Variants in USH2A observed in about 807,000 individuals in gnomAD.
The protein encoded by USH2A is Usher syndrome 2A (autosomal recessive, mild).
Under a neutral mutation model 538.9 loss-of-function variants are expected in USH2A, and 443 were observed. The ratio of observed to expected loss-of-function variants is 0.82; its 90% CI spans 0.76 to 0.89. The LOEUF is 0.89. Among genes scored for constraint, USH2A ranks in the 40% least tolerant of loss-of-function variants. The pLI, the probability that USH2A is intolerant of heterozygous loss-of-function variation, is 0.00. For missense variants in USH2A, 6,633 were observed against 6,324.8 expected, an observed-to-expected ratio of 1.05 and a Z score of -1.65; for synonymous variants, 2,413 against 2,273.5, an observed-to-expected ratio of 1.06 and a Z score of -1.75.
chr1:216,156,992 G>T (rs1249394410), intron 21 of USH2A, among the ~76,000 whole-genome samples: 1 of 151,638 alleles, frequency 6.6e-6, no homozygotes, highest in Non-Finnish European at 1.5e-5. Flanking sequence ...TCCTGCCTCA[G>T]CCTCCTGAGT....
At chr1:216,034,817 A>T (rs186881971) in intron 32 of USH2A, among the ~76,000 whole-genome samples, 218 of 152,266 alleles carry the variant, frequency 1.4e-3, no homozygotes, top group African/African-American at 5.2e-3. Flanking sequence ...TGATACCTTC[A>T]TTTCAAACTT....
At chr1:216,369,634 C>A (rs780714395) in intron 3 of USH2A, among the ~76,000 whole-genome samples, 1 of 151,998 alleles carries the variant, frequency 6.6e-6, no homozygotes, top group Non-Finnish European at 1.5e-5. Context: ...TAGTATGGGC[C>A]GGGCATGGAG....
chr1:215,758,476 T>G, intron 58 of USH2A, 119 bp downstream of exon 58: 1 of 1,281,142 alleles, frequency 7.8e-7, no homozygotes, highest in Non-Finnish European at 1.1e-6. Flanking sequence ...CTGTTCATAT[T>G]TATCCAGGAG....
intron 3 of USH2A, among the ~76,000 whole-genome samples, chr1:216,394,822 C>G (rs1337857548): frequency 6.6e-6 from 1 of 150,616 alleles, no homozygotes; most frequent in Non-Finnish European, 1.5e-5. Flanking sequence ...GGGTTCACGC[C>G]ATTCTCCTGC....
At chr1:216,162,826 G>C (rs2034085983) in intron 21 of USH2A, among the ~76,000 whole-genome samples, 1 of 151,980 alleles carries the variant, frequency 6.6e-6, no homozygotes, top group Non-Finnish European at 1.5e-5. Flanking sequence ...TCTCTACTTA[G>C]CTCCAACTAC....
At chr1:216,167,104 G>A (rs2034184998) in intron 21 of USH2A, among the ~76,000 whole-genome samples, 1 of 151,732 alleles carries the variant, frequency 6.6e-6, no homozygotes, top group Non-Finnish European at 1.5e-5. Context: ...CTATGTTTGT[G>A]AGCCTCCTTA....
At chr1:215,657,592 T>C (rs1283783299) in intron 64 of USH2A, among the ~76,000 whole-genome samples, 2 of 152,190 alleles carry the variant, frequency 1.3e-5, no homozygotes, top group Non-Finnish European at 2.9e-5. Flanking sequence ...AGTCACACTT[T>C]TACAGATATA....
chr1:215,968,000 T>C (rs1191905274), intron 36 of USH2A, among the ~76,000 whole-genome samples: 1 of 152,108 alleles, frequency 6.6e-6, no homozygotes, highest in African/African-American at 2.4e-5. Context: ...ATTGGCTAAG[T>C]GGGGAGTAAG....
chr1:215,888,957 G>C lies in USH2A; in HGVS notation c.7692C>G (p.Thr2564=). ...QHPRKSNGVI[T]HYNIYLHGRL... is the part of the protein sequence containing the mutation. The stretch of plus-strand genomic sequence containing the variant: ...GGCCATGTAGATAAATGTTATAATG[G>C]GTAATAACCCCATTGGATTTTCTAG... The change falls in exon 41 of 72, where the codon ACC becomes ACG. Residue 2564 remains threonine (T), a synonymous_variant. Coordinates refer to ENST00000307340, the MANE Select transcript of USH2A (RefSeq NM_206933.4). 3 of 1,614,074 alleles carry C rather than the reference G, an allele frequency of 1.9e-6. No homozygotes were observed. Among genetic ancestry groups the C allele is most frequent in the Non-Finnish European group, 2.5e-6 (3 of 1,180,010 alleles).
intron 4 of USH2A, among the ~76,000 whole-genome samples, chr1:216,329,143 C>T (rs2037797914): frequency 1.3e-5 from 2 of 152,130 alleles, no homozygotes; most frequent in Non-Finnish European, 2.9e-5. Flanking sequence ...AATTATTCCT[C>T]CAAGTGGTGT....
chr1:216,246,792 A>C lies in USH2A; in HGVS notation c.2602T>G (p.Cys868Gly). Residue 868 changes from cysteine to glycine, a missense_variant, in exon 13 of 72, where the codon TGT becomes GGT. Cys to Gly is a radical substitution (Grantham distance 159, BLOSUM62 -3). Transcript: ENST00000307340. ...CCTGTTACCCCTAATTTGCAAGGACATTGTCCTGTTGATTTGTTACACAGC... is the reference window on the plus strand; with the variant it reads ...CCTGTTACCCCTAATTTGCAAGGACCTTGTCCTGTTGATTTGTTACACAGC... ...SLLCNKSTGQ[C>G]PCKLGVTGLR... 6.2e-7 allele frequency: 1 copy of C among 1,614,132 alleles called. No individual in the cohort carries two copies. The highest frequency in any genetic ancestry group is 8.5e-7 in the Non-Finnish European group (1 of 1,179,980).
At chr1:216,363,191 A>G (rs2102706340) in intron 4 of USH2A, among the ~76,000 whole-genome samples, 1 of 152,238 alleles carries the variant, frequency 6.6e-6, no homozygotes, top group Middle Eastern at 3.4e-3. Flanking sequence ...AAGAGAAAAT[A>G]TAGTTTATAT....
chr1:216,361,345 T>C (rs1005472518), intron 4 of USH2A, among the ~76,000 whole-genome samples: 1 of 151,878 alleles, frequency 6.6e-6, no homozygotes, highest in African/African-American at 2.4e-5. Context: ...GATATCAGGG[T>C]TTGCAAAAAT....
chr1:216,041,520 C>T (rs2030273554), intron 32 of USH2A, among the ~76,000 whole-genome samples: 1 of 151,960 alleles, frequency 6.6e-6, no homozygotes, highest in African/African-American at 2.4e-5. Context: ...ATATGGAAAC[C>T]TAAAGGGAAA....
chr1:215,678,968 C>G (rs73095781), intron 62 of USH2A, among the ~76,000 whole-genome samples: 3,688 of 152,252 alleles, frequency 0.024, 143 homozygotes, highest in African/African-American at 0.084. Flanking sequence ...GGAAAAGGAG[C>G]TTTCTTTTCT....
chr1:216,050,874 G>A (rs1399391955), intron 30 of USH2A, among the ~76,000 whole-genome samples: 3 of 151,736 alleles, frequency 2.0e-5, no homozygotes, highest in Admixed American at 6.6e-5. Flanking sequence ...CAAAGTGCTG[G>A]GATTACAGGC....
intron 44 of USH2A, among the ~76,000 whole-genome samples, chr1:215,857,445 CATATG>C (rs1664198769): frequency 6.6e-6 from 1 of 152,138 alleles, no homozygotes; most frequent in African/African-American, 2.4e-5. Flanking sequence ...GCCTGGGAAG[CATATG>C]GTAGCCTTAA....
chr1:216,147,570 A>T (rs1368945991), intron 21 of USH2A, among the ~76,000 whole-genome samples: 2 of 151,914 alleles, frequency 1.3e-5, no homozygotes, highest in African/African-American at 2.4e-5. Flanking sequence ...TTATTCTCAA[A>T]ATACATTTTA....
intron 42 of USH2A, 92 bp from the exon 43 acceptor site, chr1:215,877,972 T>C (rs1664818534): frequency 3.3e-6 from 5 of 1,534,492 alleles, no homozygotes; most frequent in Non-Finnish European, 3.6e-6. Flanking sequence ...GTGCGTGTGA[T>C]ATATGCGTGG....
Sources: allele counts gnomAD v4.1 joint callset (sites outside exome capture counted in the v4.1 genomes callset), GRCh38; gene constraint gnomAD v4.1.1; transcripts MANE v1.5; gene names NCBI Gene and HGNC (gene_info 2026-07-23, HGNC 2026-07-21).